Variants in NME7 observed in about 807,000 individuals in gnomAD.
NME7 encodes the protein NME/NM23 family member 7.
NME7 carries 41 observed loss-of-function variants against 49.1 expected under a neutral mutation model. That is an observed-to-expected ratio of 0.83 (90% confidence interval 0.65 to 1.08). The LOEUF (loss-of-function observed/expected upper bound fraction) is 1.08. Ranked by LOEUF, NME7 falls within the 50% of genes least tolerant of loss-of-function variation. The pLI, the probability that NME7 is intolerant of heterozygous loss-of-function variation, is 0.00. For missense variants in NME7, 423 were observed against 463.4 expected, an observed-to-expected ratio of 0.91 and a Z score of 0.80; for synonymous variants, 139 against 150.6, an observed-to-expected ratio of 0.92 and a Z score of 0.56.
chr1:169,310,502 T>C (rs1651341478), intron 3 of NME7, among the ~76,000 whole-genome samples: 1 of 152,186 alleles, frequency 6.6e-6, no homozygotes, highest in South Asian at 2.1e-4. Flanking sequence ...CAGTTCAACA[T>C]TGATTTGGAA....
chr1:169,267,603 A>T lies in NME7; in HGVS notation c.754+19700T>A, dbSNP rs1259244701. On this transcript the variant is annotated intron_variant, in intron 7 of 11. Coordinates refer to ENST00000367811, the MANE Select transcript of NME7 (RefSeq NM_013330.5). The stretch of plus-strand genomic sequence containing the variant: ...ACCAATGGAGCAGGATAGAGAGCCC[A>T]GATATAAACCCACACACCTACAACC... Among the ~76,000 whole-genome samples the T allele has an allele frequency of 2.3e-5, 3 of 133,220 alleles. 1 individual carries two copies. The highest frequency in any genetic ancestry group is 2.2e-4 in the Admixed American group (3 of 13,588). 87.4% of individuals were successfully genotyped at this position (133,220 alleles called of 152,430 possible).
chr1:169,227,967 T>G lies in NME7; in HGVS notation c.990+2751A>C, dbSNP rs1332883942. 2.4e-4 allele frequency among the ~76,000 whole-genome samples: 37 copies of G among 151,464 alleles called. 1 individual carries two copies. The highest frequency in any genetic ancestry group is 2.4e-3 in the Admixed American group (37 of 15,184). On this transcript the variant is annotated intron_variant, in intron 10 of 11. Coordinates refer to ENST00000367811, the MANE Select transcript of NME7 (RefSeq NM_013330.5). ...AGGCTAAGATCTTTGAGGCTTATAT[T>G]ATATCAACTTTATTACATAATATAT...
chr1:169,254,712 T>C (rs1199064703), intron 7 of NME7, among the ~76,000 whole-genome samples: 1 of 145,282 alleles, frequency 6.9e-6, no homozygotes, highest in African/African-American at 2.5e-5. Context: ...GTGCTATAAA[T>C]TTCCCTCTAC....
chr1:169,275,028 A>G (rs2101878971), intron 7 of NME7, among the ~76,000 whole-genome samples: 1 of 132,384 alleles, frequency 7.6e-6, no homozygotes, highest in South Asian at 2.3e-4. Context: ...CTTGATGGGG[A>G]TGGCATTGAA....
intron 10 of NME7, among the ~76,000 whole-genome samples, chr1:169,178,040 C>T (rs541157548): frequency 1.9e-3 from 296 of 152,094 alleles, no homozygotes; most frequent in Admixed American, 3.8e-3. Context: ...GAGGTTTCAC[C>T]GTGTTAGCCA....
At chr1:169,186,823 G>A (rs1571274776) in intron 10 of NME7, among the ~76,000 whole-genome samples, 1 of 151,722 alleles carries the variant, frequency 6.6e-6, no homozygotes, top group Non-Finnish European at 1.5e-5. Flanking sequence ...TGCTTCTCTG[G>A]TTTTTTTAAT....
chr1:169,181,134 T>TTATCTATCTATCTATCTATC (rs60560425), intron 10 of NME7, among the ~76,000 whole-genome samples: 55 of 124,092 alleles, frequency 4.4e-4, no homozygotes, highest in East Asian at 1.0e-3. Flanking sequence ...TCCTATCTAT[T>TTATCTATCTATCTATCTATC]TATCTATCTA....
rs1222461279 is a variant in NME7, at chr1:169,272,584, T to C, written c.754+14719A>G. Among the ~76,000 whole-genome samples, 2 of 132,256 alleles carry C rather than the reference T, an allele frequency of 1.5e-5. 1 individual carries two copies. The highest frequency in any genetic ancestry group is 3.5e-5 in the Non-Finnish European group (2 of 56,480). The allele number at this position is 132,256 out of a possible 152,430, so 86.8% of individuals were successfully genotyped here. ...TCCTGAGTCAGTTTGCTGAGGATAA[T>C]GGCTTCCAGCTCCATCCATGTCTCT... is the stretch of plus-strand genomic sequence containing the variant. On this transcript the variant is annotated intron_variant, in intron 7 of 11. Transcript: ENST00000367811.
chr1:169,199,450 T>TTTA (rs150975177), intron 10 of NME7, among the ~76,000 whole-genome samples: 2,976 of 111,466 alleles, frequency 0.027, 30 homozygotes, highest in Admixed American at 0.032. Context: ...CAGGGTCTTT[T>TTTA]TTATTATTAT....
Position 169,132,700 on chromosome 1 carries a change from A to C in NME7, c.*85T>G. The C allele has an allele frequency of 7.7e-7, 1 of 1,294,756 alleles. No individual in the cohort carries two copies. Among genetic ancestry groups the C allele is most frequent in the Non-Finnish European group, 1.1e-6 (1 of 904,888 alleles). 80.2% of individuals were successfully genotyped at this position (1,294,756 alleles called of 1,614,324 possible). On this transcript the variant is annotated 3_prime_UTR_variant, in exon 12 of 12. Transcript: ENST00000367811. Reference sequence around the variant, plus strand: ...GTATTCAGTCAGGTTAAAACAACGGACAATAAAAGAATGAACACATTCCTC... The same window carrying C: ...GTATTCAGTCAGGTTAAAACAACGGCCAATAAAAGAATGAACACATTCCTC...
chr1:169,250,011 T>C (rs1648494483), intron 7 of NME7, among the ~76,000 whole-genome samples: 1 of 152,102 alleles, frequency 6.6e-6, no homozygotes, highest in Non-Finnish European at 1.5e-5. Flanking sequence ...GGAGGATCCC[T>C]CTTTCTTAAT....
chr1:169,148,540 C>A (rs1185244116), intron 11 of NME7, among the ~76,000 whole-genome samples: 1 of 152,172 alleles, frequency 6.6e-6, no homozygotes, highest in Non-Finnish European at 1.5e-5. Context: ...TCTATTAGGG[C>A]AACCATGTTT....
chr1:169,306,962 T>C (rs1222688908), intron 4 of NME7, among the ~76,000 whole-genome samples: 3 of 152,270 alleles, frequency 2.0e-5, no homozygotes, highest in East Asian at 3.9e-4. Flanking sequence ...GACAGAGATG[T>C]TGAAGTCATC....
intron 7 of NME7, chr1:169,286,191 T>C (rs1406137607): frequency 7.2e-6 from 1 of 139,792 alleles, no homozygotes; most frequent in Non-Finnish European, 1.6e-5. Context: ...CACATGCACA[T>C]ACAAATGCAG....
rs897768036 is a variant in NME7, at chr1:169,160,492, A to G, written c.1098+8955T>C. ...GGTACTAGATGTTTTGGAATTTACA[A>G]TAATAATCTGGAATATATAGTATAT... On this transcript the variant is annotated intron_variant, in intron 11 of 11. Coordinates refer to ENST00000367811, the MANE Select transcript of NME7 (RefSeq NM_013330.5). Among the ~76,000 whole-genome samples the G allele has an allele frequency of 9.9e-5, 15 of 152,130 alleles. No homozygotes were observed. In the East Asian group the frequency reaches 1.7e-3, roughly 18 times the overall value.
chr1:169,233,430 G>T (rs73035355), intron 9 of NME7, among the ~76,000 whole-genome samples: 3,880 of 152,224 alleles, frequency 0.025, 142 homozygotes, highest in African/African-American at 0.087. Flanking sequence ...TAGAGGCTAG[G>T]AGCTGAGTGA....
At chr1:169,347,977 G>A (rs1653005908) in intron 1 of NME7, among the ~76,000 whole-genome samples, 2 of 152,082 alleles carry the variant, frequency 1.3e-5, no homozygotes, top group African/African-American at 2.4e-5. Flanking sequence ...TACATGCATT[G>A]CAAATTACTA....
At chr1:169,248,900 G>A (rs1212520755) in intron 7 of NME7, among the ~76,000 whole-genome samples, 3 of 151,728 alleles carry the variant, frequency 2.0e-5, no homozygotes, top group Non-Finnish European at 4.4e-5. Context: ...ATCTGATAAT[G>A]TGATGCCTCT....
chr1:169,247,476 TCA>T (rs1491137935), intron 7 of NME7, among the ~76,000 whole-genome samples: 3 of 152,146 alleles, frequency 2.0e-5, no homozygotes, highest in African/African-American at 7.2e-5. Flanking sequence ...TATGAAAATC[TCA>T]GTTTTTAAAA....
Sources: gnomAD v4.1 joint callset for allele counts (sites outside exome capture counted in the v4.1 genomes callset) on GRCh38, gnomAD v4.1.1 for gene constraint, MANE v1.5 for transcripts, NCBI Gene and HGNC (gene_info 2026-07-23, HGNC 2026-07-21) for gene names.